Variants in OR2L13 observed in about 807,000 individuals in gnomAD.
OR2L13 encodes the protein olfactory receptor 2L13.
In OR2L13, 14 loss-of-function variants were observed where a neutral mutation model predicts 15.3. The ratio of observed to expected loss-of-function variants is 0.91; its 90% confidence interval spans 0.60 to 1.43. OR2L13 has a LOEUF of 1.43. Among genes scored for constraint, OR2L13 ranks in the 40% most tolerant of loss-of-function variants. The probability of loss-of-function intolerance (pLI) is 0.00; values close to 1 mark genes in which losing one functional copy is unlikely to be tolerated. For missense variants in OR2L13, 367 were observed against 387.9 expected (o/e 0.95, Z 0.45); for synonymous variants, 152 against 142.9 (o/e 1.06, Z -0.45).
the OR2L13 span, among the ~76,000 whole-genome samples, chr1:247,956,885 T>A: frequency 2.1e-4 from 32 of 151,914 alleles, no homozygotes; most frequent in Non-Finnish European, 3.2e-4. Flanking sequence ...TCATGTCATC[T>A]GCAAACAGGG....
the OR2L13 span, among the ~76,000 whole-genome samples, chr1:248,033,357 C>G: frequency 1.3e-5 from 2 of 152,142 alleles, no homozygotes. Context: ...ATTGAGTAAA[C>G]TTGGTTTGCT....
At chr1:247,994,773 T>C in the OR2L13 span, among the ~76,000 whole-genome samples, 1 of 152,208 alleles carries the variant, frequency 6.6e-6, no homozygotes, top group Non-Finnish European at 1.5e-5. Context: ...AAATCATAAC[T>C]ATGGAACATG....
the OR2L13 span, among the ~76,000 whole-genome samples, chr1:247,971,202 A>T: frequency 3.3e-5 from 5 of 152,218 alleles, no homozygotes; most frequent in East Asian, 9.7e-4. Flanking sequence ...ATACCTGGAG[A>T]CTGTTTTTTT....
chr1:248,077,915 G>C, the OR2L13 span, among the ~76,000 whole-genome samples: 6 of 151,822 alleles, frequency 4.0e-5, no homozygotes, highest in Non-Finnish European at 5.9e-5. Flanking sequence ...TGTGACAAAG[G>C]CCTATTCTCT....
the OR2L13 span, chr1:248,061,544 T>A: frequency 1.2e-6 from 2 of 1,613,762 alleles, no homozygotes; most frequent in African/African-American, 1.3e-5. Context: ...AACCCCATCA[T>A]CTATAGCCTG....
chr1:248,010,326 G>A, the OR2L13 span, among the ~76,000 whole-genome samples: 1 of 152,092 alleles, frequency 6.6e-6, no homozygotes, highest in Admixed American at 6.6e-5. Context: ...CATTTGCTGA[G>A]GAGTGTTTTA....
the OR2L13 span, among the ~76,000 whole-genome samples, chr1:248,051,529 G>C: frequency 4.1e-4 from 62 of 152,178 alleles, no homozygotes; most frequent in African/African-American, 1.3e-3. Flanking sequence ...TGGGAGCTAA[G>C]CATTGGGTAC....
chr1:247,950,645 G>T, the OR2L13 span, among the ~76,000 whole-genome samples: 1 of 152,094 alleles, frequency 6.6e-6, no homozygotes, highest in Non-Finnish European at 1.5e-5. Context: ...ACTATGTCAG[G>T]CACAGAAAGA....
chr1:247,954,719 G>A, the OR2L13 span, among the ~76,000 whole-genome samples: 121,291 of 151,844 alleles, frequency 0.8, 52,608 homozygotes, highest in South Asian at 0.95. Context: ...CTGAATTTCT[G>A]CATAACAAGA....
the OR2L13 span, among the ~76,000 whole-genome samples, chr1:247,999,461 C>G: frequency 6.6e-6 from 1 of 152,160 alleles, no homozygotes; most frequent in African/African-American, 2.4e-5. Flanking sequence ...ATTCTTTACT[C>G]CTTTACACCT....
chr1:248,038,791 A>C, the OR2L13 span: 74 of 1,613,866 alleles, frequency 4.6e-5, no homozygotes, highest in Non-Finnish European at 6.0e-5. Context: ...GCCATCAATC[A>C]TTTTTTCTGT....
At chr1:248,049,819 G>T in the OR2L13 span, among the ~76,000 whole-genome samples, 1 of 152,086 alleles carries the variant, frequency 6.6e-6, no homozygotes, top group East Asian at 1.9e-4. Flanking sequence ...AATTTTGAGG[G>T]ATGAACTACA....
the OR2L13 span, among the ~76,000 whole-genome samples, chr1:248,018,566 T>C: frequency 1.3e-5 from 2 of 152,194 alleles, no homozygotes; most frequent in Non-Finnish European, 2.9e-5. Flanking sequence ...CAGAAACTTG[T>C]AGGAATTTTC....
the OR2L13 span, among the ~76,000 whole-genome samples, chr1:248,028,531 T>G: frequency 5.9e-5 from 9 of 152,348 alleles, no homozygotes; most frequent in African/African-American, 2.2e-4. Context: ...ATGGACTGAA[T>G]ACAGACATGG....
the OR2L13 span, chr1:248,023,081 A>G: frequency 5.9e-6 from 3 of 505,664 alleles, no homozygotes; most frequent in African/African-American, 3.8e-5. Flanking sequence ...GTTTCTTTTT[A>G]TCAAAAGACA....
the OR2L13 span, among the ~76,000 whole-genome samples, chr1:247,945,184 C>T: frequency 3.3e-5 from 5 of 152,218 alleles, no homozygotes; most frequent in South Asian, 1.0e-3. Context: ...TTAGCTGCAT[C>T]CCAGAGATTC....
chr1:247,976,795 T>C, the OR2L13 span, among the ~76,000 whole-genome samples: 1 of 152,246 alleles, frequency 6.6e-6, no homozygotes, highest in African/African-American at 2.4e-5. Flanking sequence ...CCTGGAACTT[T>C]ATGTTCTCTT....
exon 3 of OR2L13, chr1:248,100,727 C>G (rs1190873976): frequency 5.9e-6 from 1 of 168,212 alleles, no homozygotes; most frequent in African/African-American, 2.4e-5. Context: ...GCAGCTTGGA[C>G]AAAACACATT....
the OR2L13 span, chr1:248,022,233 T>A: frequency 6.2e-7 from 1 of 1,614,158 alleles, no homozygotes; most frequent in Non-Finnish European, 8.5e-7. Context: ...CTTCATTGGG[T>A]GTGGGATTCA....
Sources: gnomAD v4.1 joint callset for allele counts (sites outside exome capture counted in the v4.1 genomes callset) on GRCh38, gnomAD v4.1.1 for gene constraint, MANE v1.5 for transcripts, NCBI Gene and HGNC (gene_info 2026-07-23, HGNC 2026-07-21) for gene names.